The following DGKB variants were observed in gnomAD, a reference collection of about 807,000 sequenced individuals.
The protein encoded by DGKB is diacylglycerol kinase beta.
In DGKB, 67 loss-of-function variants were observed where a neutral mutation model predicts 114.3. The observed-to-expected ratio is 0.59, with a 90% confidence interval of 0.48 to 0.72. The LOEUF (loss-of-function observed/expected upper bound fraction) is 0.72. DGKB is among the 30% of genes least tolerant of loss of function. The pLI is 0.00. For synonymous variants in DGKB, 398 were observed against 323.1 expected (o/e 1.23, Z -2.49); for missense variants, 907 against 975.2 (o/e 0.93, Z 0.93).
At position 14,338,544 on chromosome 7, in the gene DGKB, T is replaced by A; in HGVS notation, c.2093A>T (p.Asp698Val). ...KGSDKRTTVT[D>V]AKELKFASQD... ...ACTTGCAAACTTCAACTCTTTGGCA[T>A]CTGTGACGGTGGTCCTTTTGTCAGA... The change falls in exon 23 of 26, where the codon GAT becomes GTT. Residue 698 changes from aspartate (D) to valine (V), a missense_variant. By Grantham distance (152) the Asp-to-Val change is radical. Around this residue, in one of 3 missense-constraint regions of DGKB, gnomAD observed 814 missense variants for 856.6 expected, o/e 0.95. Transcript: ENST00000402815. The A allele has an allele frequency of 6.3e-7, 1 of 1,584,202 alleles. No homozygotes were observed. Among genetic ancestry groups the A allele is most frequent in the Non-Finnish European group, 8.6e-7 (1 of 1,167,392 alleles).
chr7:14,515,913 T>C (rs887116877), intron 20 of DGKB, among the ~76,000 whole-genome samples: 3 of 152,164 alleles, frequency 2.0e-5, no homozygotes, highest in Admixed American at 1.3e-4. Flanking sequence ...GGCAAGCTCA[T>C]GACTCTCTGC....
intron 21 of DGKB, among the ~76,000 whole-genome samples, chr7:14,454,674 T>G (rs961678993): frequency 6.6e-6 from 1 of 152,064 alleles, no homozygotes; most frequent in African/African-American, 2.4e-5. Flanking sequence ...TTTCACTTTC[T>G]AAGAATCACC....
At chr7:14,444,743 G>A (rs1246243464) in intron 21 of DGKB, among the ~76,000 whole-genome samples, 1 of 151,736 alleles carries the variant, frequency 6.6e-6, no homozygotes, top group African/African-American at 2.4e-5. Flanking sequence ...TGCATGTAAA[G>A]CTTTTAGCAT....
At chr7:14,330,488 GATTA>G (rs1281903305) in intron 23 of DGKB, among the ~76,000 whole-genome samples, 2 of 151,932 alleles carry the variant, frequency 1.3e-5, no homozygotes, top group Non-Finnish European at 2.9e-5. Context: ...CTGTTTAAAT[GATTA>G]CTTACCTGTT....
chr7:14,188,557 G>C (rs1783810292), intron 23 of DGKB, among the ~76,000 whole-genome samples: 1 of 143,410 alleles, frequency 7.0e-6, no homozygotes, highest in African/African-American at 2.6e-5. Context: ...CTACTTGGGA[G>C]GCTGAGGCAG....
At chr7:14,532,465 T>A (rs1441445228) in intron 20 of DGKB, among the ~76,000 whole-genome samples, 1 of 151,450 alleles carries the variant, frequency 6.6e-6, no homozygotes, top group African/African-American at 2.4e-5. Context: ...ACATAAATAG[T>A]AAAACTAAGA....
chr7:14,529,904 G>A (rs1791280430), intron 20 of DGKB, among the ~76,000 whole-genome samples: 1 of 151,618 alleles, frequency 6.6e-6, no homozygotes, highest in African/African-American at 2.4e-5. Flanking sequence ...TGTCCAATTA[G>A]TTAGATACAA....
At position 14,192,093 on chromosome 7, in the gene DGKB, G is replaced by C. The variant is rs568992759; in HGVS notation, c.2123-13942C>G. 1.1e-3 allele frequency: 427 copies of C among 405,876 alleles called. 3 individuals carry two copies. The highest frequency in any genetic ancestry group is 7.9e-3 in the South Asian group (413 of 52,060). The allele number at this position is 405,876 out of a possible 1,614,324, so 25.1% of individuals were successfully genotyped here. ...TGTCATCAAAGCAGTGGACAGGAAG[G>C]CTGCTGATGGTGGAAAGGTCACCAG... On this transcript the variant is annotated intron_variant, in intron 23 of 25. Transcript: ENST00000402815.
intron 23 of DGKB, among the ~76,000 whole-genome samples, chr7:14,273,237 T>C (rs915463978): frequency 6.6e-6 from 1 of 152,082 alleles, no homozygotes; most frequent in Non-Finnish European, 1.5e-5. Context: ...TCCCAGCTAC[T>C]CAGGAGGCTG....
chr7:14,377,086 G>A (rs1818612000), intron 21 of DGKB, among the ~76,000 whole-genome samples: 1 of 152,108 alleles, frequency 6.6e-6, no homozygotes, highest in African/African-American at 2.4e-5. Context: ...TAGGATGGGG[G>A]GTTCTGAACC....
At chr7:14,537,736 T>C (rs938738444) in intron 20 of DGKB, among the ~76,000 whole-genome samples, 1 of 152,140 alleles carries the variant, frequency 6.6e-6, no homozygotes, top group Non-Finnish European at 1.5e-5. Context: ...ATCTTGACAA[T>C]GATTACTTCG....
rs1179562907 is a variant in DGKB at position 14,826,728 on chromosome 7, A to G, written c.70+14466T>C. Among the ~76,000 whole-genome samples, 3 of 152,122 alleles carry G rather than the reference A, an allele frequency of 2.0e-5. No homozygotes were observed. In the East Asian group the frequency reaches 5.8e-4, roughly 29 times the overall value. On this transcript the variant is annotated intron_variant, in intron 2 of 25. Transcript: ENST00000402815. ...ATTTCCTCATCGGAAAAATGGCAATAATAATAATAAGTACTGGCTTGGTAG... is the reference window on the plus strand; with the variant it reads ...ATTTCCTCATCGGAAAAATGGCAATGATAATAATAAGTACTGGCTTGGTAG...
chr7:14,684,392 T>C (rs1450609977), intron 10 of DGKB, among the ~76,000 whole-genome samples: 1 of 152,132 alleles, frequency 6.6e-6, no homozygotes, highest in Admixed American at 6.6e-5. Context: ...TTTCAGTAAT[T>C]CTGTACAAGC....
intron 2 of DGKB, among the ~76,000 whole-genome samples, chr7:14,839,376 T>C (rs534499661): frequency 2.5e-4 from 38 of 152,058 alleles, no homozygotes; most frequent in African/African-American, 8.7e-4. Context: ...AGTAGGCCAT[T>C]CTGAACTAAA....
At chr7:14,702,862 T>C (rs1825450921) in intron 6 of DGKB, among the ~76,000 whole-genome samples, 1 of 152,282 alleles carries the variant, frequency 6.6e-6, no homozygotes, top group African/African-American at 2.4e-5. Context: ...AGTCTATATA[T>C]TGCTAAAAAG....
intron 1 of DGKB, among the ~76,000 whole-genome samples, chr7:14,890,244 A>G (rs1351131239): frequency 6.6e-6 from 1 of 151,542 alleles, no homozygotes; most frequent in Non-Finnish European, 1.5e-5. Context: ...ATTACATAGG[A>G]AAGAAATGCC....
chr7:14,540,645 T>A (rs1793272494), intron 20 of DGKB, among the ~76,000 whole-genome samples: 3 of 152,212 alleles, frequency 2.0e-5, no homozygotes, highest in Admixed American at 2.0e-4. Context: ...ACTATTTGAG[T>A]TACAAATTTA....
chr7:14,676,990 A>G (rs1246953830), intron 12 of DGKB, among the ~76,000 whole-genome samples: 1 of 152,038 alleles, frequency 6.6e-6, no homozygotes, highest in East Asian at 1.9e-4. Flanking sequence ...ATTCAGTGCC[A>G]TATGTAGGAA....
chr7:14,162,385 C>T (rs1309704781), intron 25 of DGKB, among the ~76,000 whole-genome samples: 1 of 152,166 alleles, frequency 6.6e-6, no homozygotes, highest in African/African-American at 2.4e-5. Context: ...CTCTTGCAAA[C>T]TAATGACAAA....
Sources: allele counts gnomAD v4.1 joint callset (sites outside exome capture counted in the v4.1 genomes callset), GRCh38; gene constraint gnomAD v4.1.1; regional missense constraint gnomAD v4.1.1; transcripts MANE v1.5; gene names NCBI Gene and HGNC (gene_info 2026-07-23, HGNC 2026-07-21).